Variants in ATP2A2 observed in about 807,000 individuals in gnomAD.
ATP2A2 encodes the protein sarcoplasmic/endoplasmic reticulum calcium ATPase 2.
ATP2A2 carries 14 observed loss-of-function variants against 109.3 expected under a neutral mutation model. That is an observed-to-expected ratio of 0.13 (90% CI 0.08 to 0.20). The LOEUF (loss-of-function observed/expected upper bound fraction) is 0.20. Among genes scored for constraint, ATP2A2 ranks in the 10% least tolerant of loss-of-function variants. ATP2A2 has a pLI of 1.00. For synonymous variants in ATP2A2, 506 were observed against 490.9 expected, an observed-to-expected ratio of 1.03 and a Z score of -0.41; for missense variants, 657 against 1,321.6, an observed-to-expected ratio of 0.50 and a Z score of 7.80.
Position 110,292,043 on chromosome 12 carries a change from T to C in ATP2A2, c.243T>C (p.Gly81=). The part of the protein sequence containing the change: ...ISFVLAWFEE[G]EETITAFVEP... ...AGGTTTTGGCTTGGTTTGAAGAAGGTGAAGAAACAATTACAGCCTTTGTAG... is the reference window on the plus strand; with the variant it reads ...AGGTTTTGGCTTGGTTTGAAGAAGGCGAAGAAACAATTACAGCCTTTGTAG... The change falls in exon 4 of 20, where the codon GGT becomes GGC. Residue 81 remains glycine (G), a synonymous_variant. Transcript: ENST00000539276. The C allele has an allele frequency of 6.2e-7, 1 of 1,614,170 alleles. No homozygotes were observed. The highest frequency in any genetic ancestry group is 8.5e-7 in the Non-Finnish European group (1 of 1,180,020).
intron 5 of ATP2A2, among the ~76,000 whole-genome samples, chr12:110,318,486 G>A (rs1051229534): frequency 1.3e-5 from 2 of 152,112 alleles, no homozygotes; most frequent in Non-Finnish European, 1.5e-5. Context: ...CAGGTTCGTT[G>A]GTTTGTTTTT....
chr12:110,296,533 C>T, intron 4 of ATP2A2, 66 bp from the exon 5 acceptor site: 2 of 1,595,190 alleles, frequency 1.3e-6, no homozygotes, highest in East Asian at 2.2e-5. Context: ...ACATTTTATT[C>T]CTTGGGTTAG....
At chr12:110,304,377 A>G (rs1173332496) in intron 5 of ATP2A2, among the ~76,000 whole-genome samples, 1 of 152,212 alleles carries the variant, frequency 6.6e-6, no homozygotes, top group African/African-American at 2.4e-5. Flanking sequence ...GTCTTTCAGA[A>G]TGGTGGTGAT....
Position 110,350,002 on chromosome 12 carries a change from C to A in ATP2A2, c.*3532C>A, listed in dbSNP as rs903054105. The A allele has an allele frequency of 1.9e-5, 26 of 1,342,396 alleles. No individual in the cohort carries two copies. The highest frequency in any genetic ancestry group is 2.9e-4 in the Middle Eastern group (1 of 3,490). The allele number at this position is 1,342,396 out of a possible 1,614,324, so 83.2% of individuals were successfully genotyped here. On this transcript the variant is annotated 3_prime_UTR_variant, in exon 20 of 20. Coordinates refer to ENST00000539276, the MANE Select transcript of ATP2A2 (RefSeq NM_170665.4). ...GTCCTCTTGCCTGTCTCGCTGCTTT[C>A]ACAGCTGCAACGATTGTGTCTGCCT... is the stretch of plus-strand genomic sequence containing the variant.
At chr12:110,314,288 A>G (rs1876419835) in intron 5 of ATP2A2, among the ~76,000 whole-genome samples, 2 of 150,794 alleles carry the variant, frequency 1.3e-5, no homozygotes, top group Non-Finnish European at 2.9e-5. Context: ...ATATCGTGCC[A>G]TTGCACTCCA....
Position 110,340,861 on chromosome 12 carries a change from G to A in ATP2A2, c.1964G>A (p.Arg655Gln), listed in dbSNP as rs773273321. 7 of 1,614,176 alleles carry A rather than the reference G, an allele frequency of 4.3e-6. No individual in the cohort carries two copies. The highest frequency in any genetic ancestry group is 1.1e-5 in the South Asian group (1 of 91,084). ...GTGACGTCAAAAGCTTTCACAGGCC[G>A]GGAGTTTGATGAACTCAACCCCTCC... ...EDVTSKAFTG[R>Q]EFDELNPSAQ... The change falls in exon 14 of 20, where the codon CGG (arginine) becomes CAG (glutamine). Residue 655 changes from arginine (R) to glutamine (Q), a missense_variant. Physicochemically the swap from Arg to Gln is conservative, Grantham distance 43. Transcript: ENST00000539276. The surrounding 1 kb of genome is among the most constrained non-coding windows in gnomAD (Gnocchi z 6.0).
At position 110,282,710 on chromosome 12, in the gene ATP2A2, C is replaced by T. The variant is rs113009436; in HGVS notation, c.137-3C>T. 1.5e-5 allele frequency: 24 copies of T among 1,613,924 alleles called. No homozygotes were observed. The highest frequency in any genetic ancestry group is 1.9e-5 in the Non-Finnish European group (22 of 1,179,990). ...TTAAAACACATGTGTTTGTTTCTTA[C>T]AGGAAAAACCTTGCTGGAACTTGTG... On this transcript the variant is annotated splice_polypyrimidine_tract_variant and splice_region_variant and intron_variant, in intron 2 of 19. Coordinates refer to ENST00000539276, the MANE Select transcript of ATP2A2 (RefSeq NM_170665.4).
chr12:110,303,555 C>G (rs1317741065), intron 5 of ATP2A2, among the ~76,000 whole-genome samples: 1 of 152,124 alleles, frequency 6.6e-6, no homozygotes, highest in Non-Finnish European at 1.5e-5. Flanking sequence ...AGATTATAGG[C>G]ACGTACCACC....
At chr12:110,318,179 C>G (rs192573385) in intron 5 of ATP2A2, among the ~76,000 whole-genome samples, 11 of 152,316 alleles carry the variant, frequency 7.2e-5, no homozygotes, top group African/African-American at 2.6e-4. Context: ...CCTCTCCAGA[C>G]AAAGGGAAAT....
rs983422638 is a variant in ATP2A2 at position 110,347,276 on chromosome 12, G to A, written c.*806G>A. The stretch of plus-strand genomic sequence containing the variant: ...CCAACATTGCCTATTTCAGTGGCAC[G>A]TCATCTAGTTTTAAAAAAATAAAAC... On this transcript the variant is annotated 3_prime_UTR_variant, in exon 20 of 20. Transcript: ENST00000539276. 1.8e-5 allele frequency: 22 copies of A among 1,250,168 alleles called. No individual in the cohort carries two copies. In the African/African-American group the frequency reaches 2.0e-4, roughly 11 times the overall value. The allele number at this position is 1,250,168 out of a possible 1,614,324, so 77.4% of individuals were successfully genotyped here. A position where few individuals can be genotyped will look rare whatever the true frequency, so the allele number is the denominator to read the frequency against.
rs200410325 is a variant in ATP2A2, at chr12:110,339,473, A to T, written c.1543-30A>T. ...GATCCCGGTGAACCAATAAAACAAAATTGTTTATCTAAATCTGTAACATTT... is the reference window on the plus strand; with the variant it reads ...GATCCCGGTGAACCAATAAAACAAATTTGTTTATCTAAATCTGTAACATTT... On this transcript the variant is annotated intron_variant, in intron 12 of 19. Coordinates refer to ENST00000539276, the MANE Select transcript of ATP2A2 (RefSeq NM_170665.4). The surrounding 1 kb of genome is among the most constrained non-coding windows in gnomAD (Gnocchi z 4.4). 58 of 1,614,068 alleles carry T rather than the reference A, an allele frequency of 3.6e-5. No homozygotes were observed. The African/African-American group carries it at 6.7e-4, about 19-fold the overall frequency.
intron 6 of ATP2A2, among the ~76,000 whole-genome samples, chr12:110,325,125 C>T (rs1877651518): frequency 6.6e-6 from 1 of 151,830 alleles, no homozygotes; most frequent in African/African-American, 2.4e-5. Context: ...TAATAAAAAA[C>T]TTTAAAAGTT....
rs1393003981 is a variant in ATP2A2 at position 110,342,168 on chromosome 12, G to C, written c.2098-60G>C. 2 of 1,582,362 alleles carry C rather than the reference G, an allele frequency of 1.3e-6. No homozygotes were observed. Among genetic ancestry groups the C allele is most frequent in the African/African-American group, 1.3e-5 (1 of 74,276 alleles). On this transcript the variant is annotated intron_variant, in intron 14 of 19. Coordinates refer to ENST00000539276, the MANE Select transcript of ATP2A2 (RefSeq NM_170665.4). The surrounding 1 kb of genome is among the most constrained non-coding windows in gnomAD (Gnocchi z 4.6). ...CCTGCTTCCCATTCAGTGGGCTTTT[G>C]CCTAGGGGTATGAATGTGGCATGCC...
At chr12:110,333,805 C>T (rs982224618) in intron 10 of ATP2A2, among the ~76,000 whole-genome samples, 3 of 152,072 alleles carry the variant, frequency 2.0e-5, no homozygotes, top group Admixed American at 2.0e-4. Flanking sequence ...AATGAAAAAC[C>T]TACTTATTAG....
At chr12:110,289,658 A>T (rs912948740) in intron 3 of ATP2A2, among the ~76,000 whole-genome samples, 8 of 152,056 alleles carry the variant, frequency 5.3e-5, no homozygotes, top group Non-Finnish European at 1.0e-4. Context: ...CATTTGGAGG[A>T]GTGTTTTCAT....
In ATP2A2 at chr12:110,296,622, C is replaced by T. The variant is rs1432392775; in HGVS notation, c.348C>T (p.Ile116=). The T allele has an allele frequency of 6.8e-6, 11 of 1,613,942 alleles. No homozygotes were observed. Among genetic ancestry groups the T allele is most frequent in the Admixed American group, 1.7e-5 (1 of 59,990 alleles). ...VWQERNAENA[I]EALKEYEPEM... ...AGGAAAGAAATGCTGAAAATGCCAT[C>T]GAAGCCCTTAAGGAATATGAGCCTG... Residue 116 remains isoleucine (I), a synonymous_variant, in exon 5 of 20, where the codon ATC becomes ATT. Transcript: ENST00000539276.
At chr12:110,335,382 G>C (rs1878746122) in intron 11 of ATP2A2, among the ~76,000 whole-genome samples, 1 of 152,154 alleles carries the variant, frequency 6.6e-6, no homozygotes, top group South Asian at 2.1e-4. Context: ...ACTTGAAGTG[G>C]ACCAGGCGCA....
chr12:110,325,515 T>C (rs974477895), intron 6 of ATP2A2, among the ~76,000 whole-genome samples: 2 of 151,536 alleles, frequency 1.3e-5, no homozygotes, highest in Admixed American at 1.3e-4. Context: ...ATGCCTGTAA[T>C]CCCAGCTACT....
At chr12:110,343,494 T>C in intron 16 of ATP2A2, 60 bp downstream of exon 16, 1 of 1,581,718 alleles carries the variant, frequency 6.3e-7, no homozygotes, top group Middle Eastern at 1.7e-4. Context: ...GCTGAAATTT[T>C]GTAAATTCAT....
Sources: allele counts gnomAD v4.1 joint callset (sites outside exome capture counted in the v4.1 genomes callset), GRCh38; gene constraint gnomAD v4.1.1; non-coding constraint Gnocchi (gnomAD v3.1); transcripts MANE v1.5; gene names NCBI Gene and HGNC (gene_info 2026-07-23, HGNC 2026-07-21).